The following CTCFL variants were observed in gnomAD, a reference collection of about 807,000 sequenced individuals.
The protein encoded by CTCFL is CCCTC-binding factor like.
A neutral mutation model predicts 67.4 loss-of-function variants in CTCFL; 36 were observed. The observed-to-expected ratio is 0.53, with a 90% CI of 0.41 to 0.71. The LOEUF is 0.71. Among genes scored for constraint, CTCFL ranks in the 30% least tolerant of loss-of-function variants. The pLI is 0.00. For missense variants in CTCFL, 786 were observed against 835.2 expected (o/e 0.94, Z 0.73); for synonymous variants, 324 against 302.3 (o/e 1.07, Z -0.75).
chr20:57,510,123 C>T (rs1236255227), intron 8 of CTCFL, among the ~76,000 whole-genome samples: 1 of 152,232 alleles, frequency 6.6e-6, no homozygotes, highest in Non-Finnish European at 1.5e-5. Context: ...GCCCACACTT[C>T]AAAACACACA....
At chr20:57,519,020 T>G in intron 4 of CTCFL, 129 bp from the exon 5 acceptor site, 1 of 1,227,412 alleles carries the variant, frequency 8.1e-7, no homozygotes, top group Admixed American at 2.6e-5. Context: ...CCTTAAACTA[T>G]AAATACCACA....
chr20:57,504,122 ACC>A (rs2068061528), intron 9 of CTCFL, among the ~76,000 whole-genome samples: 1 of 150,188 alleles, frequency 6.7e-6, no homozygotes. Flanking sequence ...GACTACAGGC[ACC>A]CGTCACCACG....
chr20:57,512,464 T>G, intron 8 of CTCFL, 128 bp downstream of exon 8: 1 of 891,764 alleles, frequency 1.1e-6, no homozygotes, highest in Non-Finnish European at 1.7e-6. Context: ...TGCTTTCTGG[T>G]TATTCTGAAT....
intron 2 of CTCFL, 97 bp downstream of exon 2, chr20:57,523,566 A>T: frequency 6.7e-7 from 1 of 1,484,354 alleles, no homozygotes; most frequent in Non-Finnish European, 9.0e-7. Context: ...TTTAATTTGC[A>T]ACTGCAAAAT....
Position 57,497,768 on chromosome 20 carries a change from A to T in CTCFL, c.*782T>A. On this transcript the variant is annotated 3_prime_UTR_variant, in exon 11 of 11. Transcript: ENST00000243914. ...AGTAGTTTTAGCAGAAAAAAGGGTT[A>T]TGGAGTGAAATACTAATAAGCAATA... 1 of 984,806 alleles carries T rather than the reference A, an allele frequency of 1.0e-6. No individual in the cohort carries two copies. The highest frequency in any genetic ancestry group is 1.2e-6 in the Non-Finnish European group (1 of 829,342). 61.0% of individuals were successfully genotyped at this position (984,806 alleles called of 1,614,324 possible). A position where few individuals can be genotyped will look rare whatever the true frequency, so the allele number is the denominator to read the frequency against.
intron 9 of CTCFL, 61 bp downstream of exon 9, chr20:57,508,545 T>A: frequency 1.3e-6 from 2 of 1,514,024 alleles, no homozygotes; most frequent in South Asian, 1.2e-5. Flanking sequence ...GGTGTGACAC[T>A]GTCCTCCTGA....
In CTCFL at chr20:57,518,753, T is replaced by C. The variant is rs866938612; in HGVS notation, c.1059+5A>G. 1 of 1,614,162 alleles carries C rather than the reference T, an allele frequency of 6.2e-7. No individual in the cohort carries two copies. Among genetic ancestry groups the C allele is most frequent in the South Asian group, 1.1e-5 (1 of 91,084 alleles). On this transcript the variant is annotated splice_donor_5th_base_variant and intron_variant, in intron 5 of 10. Transcript: ENST00000243914. ...ATGAAGCTTCAAGTCCAAGAATGGC[T>C]TTACCTCCACACTGGCATACTTGCA...
At position 57,525,094 on chromosome 20, in the gene CTCFL, C is replaced by G. The variant is rs1321382916; in HGVS notation, c.-78G>C. On this transcript the variant is annotated 5_prime_UTR_variant, in exon 1 of 11. Transcript: ENST00000243914. ...GGCTTGTGGGCTCTGCCTCGTGCAC[C>G]GCGTGCTGCAGCCCACAGCCGGCCG... The G allele has an allele frequency of 6.6e-6, 1 of 151,986 alleles. No individual in the cohort carries two copies. Among genetic ancestry groups the G allele is most frequent in the Admixed American group, 6.6e-5 (1 of 15,260 alleles). 9.4% of individuals were successfully genotyped at this position (151,986 alleles called of 1,614,324 possible). A position where few individuals can be genotyped will look rare whatever the true frequency, so the allele number is the denominator to read the frequency against.
At chr20:57,504,344 G>C (rs1168037152) in intron 9 of CTCFL, among the ~76,000 whole-genome samples, 2 of 150,094 alleles carry the variant, frequency 1.3e-5, no homozygotes. Context: ...CAGTGGCATG[G>C]TGTCAGCTCA....
intron 10 of CTCFL, among the ~76,000 whole-genome samples, chr20:57,501,120 G>C (rs1568848542): frequency 1.3e-5 from 2 of 152,204 alleles, no homozygotes; most frequent in Non-Finnish European, 2.9e-5. Context: ...TATTCAACAA[G>C]TGGTGACTTA....
Position 57,504,783 on chromosome 20 carries a change from CTT to C in CTCFL, c.1675-1184_1675-1183del, listed in dbSNP as rs1234344642. On this transcript the variant is annotated intron_variant, in intron 9 of 10. Coordinates refer to ENST00000243914, the MANE Select transcript of CTCFL (RefSeq NM_001386993.1). ...TGCCTCGTGAACCAGAGCTAATACT[CTT>C]TTCTCAAAATTTTAAACAAAACTTC... is the stretch of plus-strand genomic sequence containing the variant. 2.6e-5 allele frequency among the ~76,000 whole-genome samples: 4 copies of C among 152,072 alleles called. No homozygotes were observed. The East Asian group carries it at 5.8e-4, about 22-fold the overall frequency.
At position 57,503,468 on chromosome 20, in the gene CTCFL, G is replaced by GCGGCTTCCTTCCATCCCTTC; in HGVS notation, c.1807_1808insGAAGGGATGGAAGGAAGCCG (p.Ala603GlyfsTer57). On this transcript the variant is annotated frameshift_variant, in exon 10 of 11. Coordinates refer to ENST00000243914, the MANE Select transcript of CTCFL (RefSeq NM_001386993.1). LOFTEE classifies it low-confidence loss of function (END_TRUNC). ...GTTCGCGGCTTCCTTCCATCCCTTC[G>GCGGCTTCCTTCCATCCCTTC]CAGCTTCCTTCTGACCCTTTGTGGC... The GCGGCTTCCTTCCATCCCTTC allele has an allele frequency of 6.2e-7, 1 of 1,614,140 alleles. No homozygotes were observed. Among genetic ancestry groups the GCGGCTTCCTTCCATCCCTTC allele is most frequent in the Non-Finnish European group, 8.5e-7 (1 of 1,180,020 alleles).
intron 3 of CTCFL, among the ~76,000 whole-genome samples, chr20:57,521,767 T>C (rs2069383127): frequency 6.6e-6 from 1 of 152,202 alleles, no homozygotes; most frequent in South Asian, 2.1e-4. Context: ...TGACACATAC[T>C]ACAATACCAA....
chr20:57,497,686 C>T lies in CTCFL; in HGVS notation c.*864G>A. 1 of 985,314 alleles carries T rather than the reference C, an allele frequency of 1.0e-6. No individual in the cohort carries two copies. Among genetic ancestry groups the T allele is most frequent in the Non-Finnish European group, 1.2e-6 (1 of 829,856 alleles). 61.0% of individuals were successfully genotyped at this position (985,314 alleles called of 1,614,324 possible). A position where few individuals can be genotyped will look rare whatever the true frequency, so the allele number is the denominator to read the frequency against. ...CAAATTCCTTACAGGTACACATTTGCCTTATCTGATTTTATGTTTCTTCTC... is the reference window on the plus strand; with the variant it reads ...CAAATTCCTTACAGGTACACATTTGTCTTATCTGATTTTATGTTTCTTCTC... On this transcript the variant is annotated 3_prime_UTR_variant, in exon 11 of 11. Coordinates refer to ENST00000243914, the MANE Select transcript of CTCFL (RefSeq NM_001386993.1).
rs1262903542 is a variant in CTCFL, at chr20:57,504,246, G to C, written c.1675-645C>G. On this transcript the variant is annotated intron_variant, in intron 9 of 10. Coordinates refer to ENST00000243914, the MANE Select transcript of CTCFL (RefSeq NM_001386993.1). ...CCACCTTGGCCTCCCAGAGTGCTGG[G>C]ATTACAGGCATGAGCCACTGCACCC... is the stretch of plus-strand genomic sequence containing the variant. 2.0e-5 allele frequency among the ~76,000 whole-genome samples: 3 copies of C among 149,520 alleles called. No homozygotes were observed. The East Asian group carries it at 5.9e-4, about 29-fold the overall frequency.
Position 57,503,528 on chromosome 20 carries a change from C to G in CTCFL, c.1748G>C (p.Arg583Thr), listed in dbSNP as rs1006842499. The change falls in exon 10 of 11, where the codon AGA becomes ACA. Residue 583 changes from arginine to threonine, a missense_variant. By Grantham distance (71) the Arg-to-Thr change is moderately conservative. Coordinates refer to ENST00000243914, the MANE Select transcript of CTCFL (RefSeq NM_001386993.1). ...GATGGTCTGCTTCCTCTTTCTTGTT[C>G]TTCTTCCCTTTCCTGAAGCAGCCGA... The part of the protein sequence containing the change: ...AKSAASGKGR[R>T]TRKRKQTILK... 1.2e-6 allele frequency: 2 copies of G among 1,614,168 alleles called. No homozygotes were observed. Among genetic ancestry groups the G allele is most frequent in the Admixed American group, 1.7e-5 (1 of 60,018 alleles).
At position 57,497,583 on chromosome 20, in the gene CTCFL, C is replaced by G. The variant is rs930028550; in HGVS notation, c.*967G>C. 1.0e-6 allele frequency: 1 copy of G among 985,288 alleles called. No homozygotes were observed. The highest frequency in any genetic ancestry group is 4.7e-5 in the South Asian group (1 of 21,294). 61.0% of individuals were successfully genotyped at this position (985,288 alleles called of 1,614,324 possible). On this transcript the variant is annotated 3_prime_UTR_variant, in exon 11 of 11. Coordinates refer to ENST00000243914, the MANE Select transcript of CTCFL (RefSeq NM_001386993.1). ...TCAAGTGTTAAAGAGGCATCTCTCA[C>G]GCTGCTCGAGGGTGGAAAAATCTTG...
intron 9 of CTCFL, chr20:57,507,677 C>A (rs1440030219): frequency 2.8e-6 from 2 of 702,982 alleles, no homozygotes; most frequent in Middle Eastern, 2.3e-4. Flanking sequence ...ATCCTCTGGC[C>A]CCAGTCCAGC....
intron 1 of CTCFL, chr20:57,524,722 C>T (rs2069727893): frequency 3.0e-6 from 3 of 998,222 alleles, no homozygotes; most frequent in Non-Finnish European, 3.6e-6. Flanking sequence ...AGGCATTCCC[C>T]TCGTGCACGG....
Sources: gnomAD v4.1 joint callset for allele counts (sites outside exome capture counted in the v4.1 genomes callset) on GRCh38, gnomAD v4.1.1 for gene constraint, MANE v1.5 for transcripts, NCBI Gene and HGNC (gene_info 2026-07-23, HGNC 2026-07-21) for gene names.